Variants in LINGO2 observed in about 807,000 individuals in gnomAD.
The protein encoded by LINGO2 is leucine-rich repeat and immunoglobulin-like domain-containing nogo receptor-interacting protein 2.
LINGO2 carries 14 observed loss-of-function variants against 30.6 expected under a neutral mutation model. The observed-to-expected ratio is 0.46, with a 90% CI of 0.30 to 0.72. LINGO2 has a LOEUF of 0.72. Among genes scored for constraint, LINGO2 ranks in the 30% least tolerant of loss-of-function variants. The pLI, the probability that LINGO2 is intolerant of heterozygous loss-of-function variation, is 0.07. For missense variants in LINGO2, 729 were observed against 751.7 expected, an observed-to-expected ratio of 0.97 and a Z score of 0.35; for synonymous variants, 317 against 288.5, an observed-to-expected ratio of 1.10 and a Z score of -1.00.
intron 1 of LINGO2, among the ~76,000 whole-genome samples, chr9:28,580,203 C>T (rs1213817372): frequency 1.3e-5 from 2 of 151,930 alleles, no homozygotes; most frequent in African/African-American, 4.8e-5. Flanking sequence ...TATCATATAC[C>T]AGTACAGAAT....
At chr9:28,636,521 T>C (rs1827283372) in intron 1 of LINGO2, among the ~76,000 whole-genome samples, 1 of 152,186 alleles carries the variant, frequency 6.6e-6, no homozygotes, top group Non-Finnish European at 1.5e-5. Flanking sequence ...CCATTCTAAC[T>C]GGTGTGAGAT....
intron 3 of LINGO2, among the ~76,000 whole-genome samples, chr9:28,335,996 T>G (rs549442675): frequency 6.6e-6 from 1 of 152,230 alleles, no homozygotes; most frequent in Admixed American, 6.5e-5. Context: ...AATTTCTTTT[T>G]TAAAAAAACA....
At chr9:28,046,839 C>A (rs79411355) in intron 4 of LINGO2, among the ~76,000 whole-genome samples, 1 of 152,124 alleles carries the variant, frequency 6.6e-6, no homozygotes, top group Admixed American at 6.5e-5. Flanking sequence ...TCCACTGGGA[C>A]TATCACCTTC....
At chr9:28,062,163 G>A (rs763459029) in intron 4 of LINGO2, among the ~76,000 whole-genome samples, 48 of 151,926 alleles carry the variant, frequency 3.2e-4, no homozygotes, top group Non-Finnish European at 6.0e-4. Context: ...CTAGGGAAGC[G>A]GTTTCAAATT....
the LINGO2 span, among the ~76,000 whole-genome samples, chr9:28,737,763 G>T: frequency 1.3e-5 from 2 of 151,468 alleles, no homozygotes; most frequent in Non-Finnish European, 2.9e-5. Flanking sequence ...TTTTTCTTGG[G>T]GTTCTCATTG....
chr9:29,047,672 A>T, the LINGO2 span, among the ~76,000 whole-genome samples: 2 of 152,226 alleles, frequency 1.3e-5, no homozygotes, highest in South Asian at 4.1e-4. Flanking sequence ...GAAAGGAAGA[A>T]GAAAAAAATT....
the LINGO2 span, among the ~76,000 whole-genome samples, chr9:29,099,971 G>C: frequency 6.6e-6 from 1 of 152,112 alleles, no homozygotes; most frequent in Non-Finnish European, 1.5e-5. Flanking sequence ...CCAAGATTTG[G>C]AAGCAACCTA....
At chr9:28,467,922 T>A (rs1415043489) in intron 2 of LINGO2, among the ~76,000 whole-genome samples, 1 of 152,280 alleles carries the variant, frequency 6.6e-6, no homozygotes, top group African/African-American at 2.4e-5. Context: ...TTTCCAATGC[T>A]GAAATCATAT....
the LINGO2 span, among the ~76,000 whole-genome samples, chr9:28,744,606 C>T: frequency 2.5e-5 from 3 of 118,484 alleles, no homozygotes; most frequent in African/African-American, 9.4e-5. Context: ...CAGATATTCC[C>T]CTCGTGTGTG....
intron 1 of LINGO2, among the ~76,000 whole-genome samples, chr9:28,657,158 G>GT (rs1234200243): frequency 6.6e-6 from 1 of 151,858 alleles, no homozygotes; most frequent in African/African-American, 2.4e-5. Context: ...TGTTCGAGTT[G>GT]TTTTTTATTT....
chr9:29,123,468 T>G, the LINGO2 span, among the ~76,000 whole-genome samples: 1 of 151,998 alleles, frequency 6.6e-6, no homozygotes, highest in Non-Finnish European at 1.5e-5. Flanking sequence ...AAGAATTATG[T>G]TTTACCCTGA....
At chr9:28,747,615 C>T in the LINGO2 span, among the ~76,000 whole-genome samples, 4 of 152,096 alleles carry the variant, frequency 2.6e-5, 1 homozygote, top group African/African-American at 9.7e-5. Flanking sequence ...CTGCACCTGC[C>T]CGTCTGCATG....
chr9:28,852,462 G>T, the LINGO2 span, among the ~76,000 whole-genome samples: 1 of 133,148 alleles, frequency 7.5e-6, no homozygotes, highest in Non-Finnish European at 1.8e-5. Flanking sequence ...AAATTTTATG[G>T]TTCAGTTAAG....
the LINGO2 span, among the ~76,000 whole-genome samples, chr9:29,022,977 C>CAA: frequency 3.0e-3 from 396 of 133,256 alleles, 2 homozygotes; most frequent in East Asian, 0.015. Context: ...CTCTTTGAGC[C>CAA]AAAAAAAAAA....
At chr9:28,858,701 A>G in the LINGO2 span, among the ~76,000 whole-genome samples, 6 of 152,078 alleles carry the variant, frequency 3.9e-5, no homozygotes, top group African/African-American at 1.4e-4. Flanking sequence ...TCCACTTGAC[A>G]TATCTGTTTA....
chr9:27,950,795 T>C, intron 5 of LINGO2, 89 bp from the exon 7 acceptor site: 1 of 619,856 alleles, frequency 1.6e-6, no homozygotes, highest in East Asian at 3.1e-5. Context: ...GCAAGTGTAA[T>C]GGAAAGGATA....
the LINGO2 span, among the ~76,000 whole-genome samples, chr9:28,861,113 T>A: frequency 8.3e-6 from 1 of 119,830 alleles, no homozygotes; most frequent in East Asian, 2.1e-4. Context: ...ATAAAATATA[T>A]TTATATAATA....
At chr9:28,245,256 A>G (rs139273740) in intron 4 of LINGO2, among the ~76,000 whole-genome samples, 1 of 152,216 alleles carries the variant, frequency 6.6e-6, no homozygotes, top group African/African-American at 2.4e-5. Context: ...AATTCGACAT[A>G]CCTTCAGGTT....
the LINGO2 span, among the ~76,000 whole-genome samples, chr9:28,722,855 A>G: frequency 6.6e-6 from 1 of 152,056 alleles, no homozygotes; most frequent in Non-Finnish European, 1.5e-5. Flanking sequence ...TCTCTGCTAT[A>G]GAGTCAAAGG....
Sources: allele counts gnomAD v4.1 joint callset (sites outside exome capture counted in the v4.1 genomes callset), GRCh38; gene constraint gnomAD v4.1.1; transcripts MANE v1.5; gene names NCBI Gene and HGNC (gene_info 2026-07-23, HGNC 2026-07-21).